The following FAM78B variants were observed in gnomAD, a reference collection of about 807,000 sequenced individuals.
FAM78B encodes protein FAM78B.
FAM78B carries 10 observed loss-of-function variants against 20.0 expected under a neutral mutation model. That is an observed-to-expected ratio of 0.50 (90% CI 0.31 to 0.85). The LOEUF is 0.85. FAM78B is among the 40% of genes least tolerant of loss of function. The pLI is 0.05. For synonymous variants in FAM78B, 135 were observed against 132.8 expected (o/e 1.02, Z -0.12); for missense variants, 283 against 345.0 (o/e 0.82, Z 1.42).
Position 166,157,080 on chromosome 1 carries a change from A to C in FAM78B, c.263+8906T>G, listed in dbSNP as rs572202955. On this transcript the variant is annotated intron_variant, in intron 1 of 1. Coordinates refer to ENST00000354422, the MANE Select transcript of FAM78B (RefSeq NM_001017961.5). ...ATGCCTTCCTCTGAGTTTGAACAGA[A>C]AACAGCCCTGGCTCCAGATGTACAG... Among the ~76,000 whole-genome samples the C allele has an allele frequency of 4.0e-5, 6 of 149,550 alleles. No homozygotes were observed. The South Asian group carries it at 1.3e-3, about 33-fold the overall frequency.
chr1:166,156,749 A>C (rs185957465), intron 1 of FAM78B, among the ~76,000 whole-genome samples: 2 of 152,252 alleles, frequency 1.3e-5, no homozygotes, highest in South Asian at 2.1e-4. Context: ...TGGAAATTGC[A>C]CAACCTTCCT....
At chr1:166,093,807 G>C (rs1353096339) in intron 1 of FAM78B, among the ~76,000 whole-genome samples, 1 of 151,828 alleles carries the variant, frequency 6.6e-6, no homozygotes, top group Non-Finnish European at 1.5e-5. Context: ...GGGCTCTGGT[G>C]GTAAGGCAAG....
At chr1:166,072,231 A>G (rs4642869) in intron 1 of FAM78B, among the ~76,000 whole-genome samples, 25,041 of 152,050 alleles carry the variant, frequency 0.16, 2,371 homozygotes, top group African/African-American at 0.27. Flanking sequence ...GACACTAACC[A>G]CTGCCTCCTA....
intron 1 of FAM78B, among the ~76,000 whole-genome samples, chr1:166,144,317 C>T (rs1010675309): frequency 4.0e-5 from 6 of 151,858 alleles, no homozygotes; most frequent in South Asian, 2.1e-4. Flanking sequence ...GAAATGGGCC[C>T]GATTTTCCTT....
chr1:166,135,048 T>C (rs552745317), intron 1 of FAM78B, among the ~76,000 whole-genome samples: 2 of 152,140 alleles, frequency 1.3e-5, no homozygotes, highest in African/African-American at 2.4e-5. Context: ...AAAACAGGTA[T>C]GTTACTATGC....
intron 1 of FAM78B, among the ~76,000 whole-genome samples, chr1:166,077,375 T>G (rs1339412668): frequency 6.6e-6 from 1 of 152,106 alleles, no homozygotes; most frequent in East Asian, 1.9e-4. Context: ...ACTTACTTGA[T>G]GTACTTGGTA....
rs541669232 is a variant in FAM78B at position 166,162,482 on chromosome 1, G to C, written c.263+3504C>G. Among the ~76,000 whole-genome samples, 11 of 152,328 alleles carry C rather than the reference G, an allele frequency of 7.2e-5. No homozygotes were observed. The South Asian group carries it at 2.1e-3, about 29-fold the overall frequency. On this transcript the variant is annotated intron_variant, in intron 1 of 1. Transcript: ENST00000354422. Reference sequence around the variant, plus strand: ...ATGAGAAGGGGCTTTAGCTATTGCTGGTTTTCCCTGACCTTGTCTTCATCT... The same window carrying C: ...ATGAGAAGGGGCTTTAGCTATTGCTCGTTTTCCCTGACCTTGTCTTCATCT...
At chr1:166,114,044 C>G (rs1243423230) in intron 1 of FAM78B, among the ~76,000 whole-genome samples, 1 of 152,336 alleles carries the variant, frequency 6.6e-6, no homozygotes, top group South Asian at 2.1e-4. Context: ...CTTTACAAAA[C>G]AAGACATGGG....
chr1:166,062,963 G>A (rs1323896236), intron 2 of FAM78B, among the ~76,000 whole-genome samples: 1 of 152,222 alleles, frequency 6.6e-6, no homozygotes, highest in African/African-American at 2.4e-5. Context: ...GTGGCTGTAG[G>A]TTTTTCCTAG....
chr1:166,138,443 G>A (rs934153657), intron 1 of FAM78B, among the ~76,000 whole-genome samples: 5 of 152,028 alleles, frequency 3.3e-5, no homozygotes, highest in African/African-American at 1.2e-4. Flanking sequence ...TTTTTTAGGT[G>A]CCTTTTCATA....
At chr1:166,155,837 G>A (rs1414159730) in intron 1 of FAM78B, among the ~76,000 whole-genome samples, 1 of 152,082 alleles carries the variant, frequency 6.6e-6, no homozygotes, top group Non-Finnish European at 1.5e-5. Flanking sequence ...CACAGAACGG[G>A]CATGTCTGAT....
chr1:166,062,714 C>T (rs752704481), intron 2 of FAM78B, among the ~76,000 whole-genome samples: 12 of 152,132 alleles, frequency 7.9e-5, no homozygotes, highest in South Asian at 2.1e-4. Context: ...GTTTCTGGTA[C>T]GTGAGGGAGT....
chr1:166,144,038 C>T (rs371510198), intron 1 of FAM78B, among the ~76,000 whole-genome samples: 13 of 152,180 alleles, frequency 8.5e-5, no homozygotes, highest in South Asian at 2.1e-4. Flanking sequence ...TTTATTAAGG[C>T]GTAAGTAATG....
chr1:166,146,344 T>C (rs1018506667), intron 1 of FAM78B, among the ~76,000 whole-genome samples: 2 of 152,222 alleles, frequency 1.3e-5, no homozygotes, highest in African/African-American at 4.8e-5. Context: ...TTCTTCTATG[T>C]TGAATCAAAC....
chr1:166,080,577 C>T (rs1222394684), intron 1 of FAM78B, among the ~76,000 whole-genome samples: 1 of 152,222 alleles, frequency 6.6e-6, no homozygotes, highest in African/African-American at 2.4e-5. Flanking sequence ...CTTTACTGCA[C>T]TTAGAGGGTG....
intron 2 of FAM78B, among the ~76,000 whole-genome samples, chr1:166,061,877 GA>G (rs1422287875): frequency 6.6e-6 from 1 of 152,216 alleles, no homozygotes; most frequent in East Asian, 1.9e-4. Context: ...CAGAGGCCTT[GA>G]GACACCCTGA....
intron 1 of FAM78B, among the ~76,000 whole-genome samples, chr1:166,070,998 A>G (rs1207347280): frequency 1.3e-5 from 2 of 152,210 alleles, no homozygotes; most frequent in Non-Finnish European, 2.9e-5. Flanking sequence ...GGCTGACCCA[A>G]TTGAGAACAG....
intron 1 of FAM78B, among the ~76,000 whole-genome samples, chr1:166,121,300 T>C (rs1182884538): frequency 6.6e-6 from 1 of 152,058 alleles, no homozygotes. Flanking sequence ...ACTGAGGTCC[T>C]CAGGACCAGG....
intron 1 of FAM78B, among the ~76,000 whole-genome samples, chr1:166,152,655 GATTTATTT>G (rs59226484): frequency 1.8e-3 from 254 of 140,586 alleles, no homozygotes; most frequent in East Asian, 3.2e-3. Context: ...TGGTACTCTG[GATTTATTT>G]ATTTATTTAT....
Sources: allele counts gnomAD v4.1 joint callset (sites outside exome capture counted in the v4.1 genomes callset), GRCh38; gene constraint gnomAD v4.1.1; transcripts MANE v1.5; gene names NCBI Gene and HGNC (gene_info 2026-07-23, HGNC 2026-07-21).